Variants in SCN10A observed in about 807,000 individuals in gnomAD.
The protein encoded by SCN10A is sodium voltage-gated channel alpha subunit 10.
In SCN10A, 162 loss-of-function variants were observed where a neutral mutation model predicts 170.7. The ratio of observed to expected loss-of-function variants is 0.95; its 90% CI spans 0.84 to 1.08. The LOEUF is 1.08. Ranked by LOEUF, SCN10A falls within the 50% of genes least tolerant of loss-of-function variation. The pLI is 0.00. For missense variants in SCN10A, 2,527 were observed against 2,436.9 expected, an observed-to-expected ratio of 1.04 and a Z score of -0.78; for synonymous variants, 985 against 904.6, an observed-to-expected ratio of 1.09 and a Z score of -1.59.
intron 15 of SCN10A, among the ~76,000 whole-genome samples, chr3:38,735,618 A>G (rs1356549398): frequency 1.3e-5 from 2 of 152,252 alleles, no homozygotes; most frequent in African/African-American, 4.8e-5. Flanking sequence ...AGGCCAAGAT[A>G]TTCTTGAAGT....
At position 38,793,682 on chromosome 3, in the gene SCN10A, T is replaced by A. The variant is rs139643125; in HGVS notation, c.270+59A>T. Reference sequence around the variant, plus strand: ...GCCAAGGAGGACTTTCTGGGCTGGGTGGGACCGAGACTTCCTCTCCAAGAG... The same window carrying A: ...GCCAAGGAGGACTTTCTGGGCTGGGAGGGACCGAGACTTCCTCTCCAAGAG... On this transcript the variant is annotated intron_variant, in intron 2 of 27. Transcript: ENST00000449082. 15,617 of 1,572,730 alleles carry A rather than the reference T, an allele frequency of 9.9e-3. 110 individuals carry two copies. The highest frequency in any genetic ancestry group is 0.041 in the Middle Eastern group (179 of 4,404).
At chr3:38,793,677 C>T in intron 2 of SCN10A, 64 bp downstream of exon 2, 2 of 1,555,464 alleles carry the variant, frequency 1.3e-6, no homozygotes, top group Non-Finnish European at 1.7e-6. Flanking sequence ...ACTTTCTGGG[C>T]TGGGTGGGAC....
At chr3:38,809,663 T>A (rs1203058049) in intron 1 of SCN10A, among the ~76,000 whole-genome samples, 2 of 152,170 alleles carry the variant, frequency 1.3e-5, no homozygotes, top group African/African-American at 4.8e-5. Flanking sequence ...GCATCTTCTC[T>A]TCTGGATCTT....
chr3:38,764,095 CCTT>C (rs1303665141), intron 5 of SCN10A, among the ~76,000 whole-genome samples: 3 of 152,222 alleles, frequency 2.0e-5, no homozygotes, highest in Non-Finnish European at 4.4e-5. Context: ...AGATGAAGAA[CCTT>C]CTTCAGAGTG....
chr3:38,749,594 A>G (rs2063726841), intron 13 of SCN10A, among the ~76,000 whole-genome samples: 1 of 152,268 alleles, frequency 6.6e-6, no homozygotes, highest in South Asian at 2.1e-4. Context: ...TAATGGACTT[A>G]AATTGTCTAC....
At chr3:38,768,201 T>C (rs74848784) in intron 5 of SCN10A, among the ~76,000 whole-genome samples, 2,841 of 152,118 alleles carry the variant, frequency 0.019, 36 homozygotes, top group Non-Finnish European at 0.029. Context: ...CTTTCTGCCC[T>C]TCTGTATATT....
intron 20 of SCN10A, among the ~76,000 whole-genome samples, chr3:38,720,891 A>G (rs142954440): frequency 1.8e-4 from 27 of 152,324 alleles, no homozygotes; most frequent in Middle Eastern, 3.4e-3. Flanking sequence ...TGGAGAAAGC[A>G]CTGCCCAGCC....
chr3:38,706,780 G>C (rs758433908), intron 26 of SCN10A, among the ~76,000 whole-genome samples: 1 of 152,132 alleles, frequency 6.6e-6, no homozygotes, highest in Non-Finnish European at 1.5e-5. Flanking sequence ...GATAACTTTT[G>C]GTTCCTACTG....
At chr3:38,701,625 G>A (rs1003466801) in intron 27 of SCN10A, among the ~76,000 whole-genome samples, 1 of 152,248 alleles carries the variant, frequency 6.6e-6, no homozygotes, top group Non-Finnish European at 1.5e-5. Context: ...CTTCGTGTGA[G>A]CATGGAGAAG....
chr3:38,702,053 G>C lies in SCN10A; in HGVS notation c.4443C>G (p.Thr1481=). The C allele has an allele frequency of 6.3e-7, 1 of 1,599,078 alleles. No individual in the cohort carries two copies. Among genetic ancestry groups the C allele is most frequent in the Non-Finnish European group, 8.5e-7 (1 of 1,172,818 alleles). Reference sequence around the variant, plus strand: ...TGTTGAGGCAGATGAGGACCATGATGGTGATGTCAAAAGCTTGTCTGGTCA... The same window carrying C: ...TGTTGAGGCAGATGAGGACCATGATCGTGATGTCAAAAGCTTGTCTGGTCA... ...DIVTRQAFDI[T]IMVLICLNMI... is the part of the protein sequence containing the mutation. The change falls in exon 27 of 28, where the codon ACC becomes ACG. Residue 1481 remains threonine (T), a synonymous_variant. Coordinates refer to ENST00000449082, the MANE Select transcript of SCN10A (RefSeq NM_006514.4).
intron 24 of SCN10A, among the ~76,000 whole-genome samples, chr3:38,709,898 C>A (rs2063253880): frequency 6.6e-6 from 1 of 152,200 alleles, no homozygotes; most frequent in Non-Finnish European, 1.5e-5. Flanking sequence ...CACCAAGGGA[C>A]AGGGAAACTG....
At chr3:38,755,019 T>C (rs1371416607) in intron 11 of SCN10A, among the ~76,000 whole-genome samples, 5 of 151,674 alleles carry the variant, frequency 3.3e-5, no homozygotes, top group Non-Finnish European at 5.9e-5. Context: ...GCGAGGAAAG[T>C]TGCAGTGCAA....
At position 38,742,420 on chromosome 3, in the gene SCN10A, A is replaced by C. The variant is rs1346592471; in HGVS notation, c.1977T>G (p.Phe659Leu). 14 of 1,614,176 alleles carry C rather than the reference A, an allele frequency of 8.7e-6. No homozygotes were observed. Among genetic ancestry groups the C allele is most frequent in the Non-Finnish European group, 1.2e-5 (14 of 1,180,028 alleles). ...CTGCAAAGGGATCCGTCACAAGCCC[A>C]AAGAGAATTGTCTTGAGCTTCACCC... is the stretch of plus-strand genomic sequence containing the variant. ...PMWVKLKTILFGLVTDPFAEL... is the reference protein window; with the variant it reads ...PMWVKLKTILLGLVTDPFAEL... The change falls in exon 14 of 28, where the codon TTT (phenylalanine) becomes TTG (leucine). Residue 659 changes from phenylalanine to leucine, a missense_variant. Transcript: ENST00000449082.
At chr3:38,759,527 C>CTAGTA (rs2063845156) in intron 8 of SCN10A, among the ~76,000 whole-genome samples, 1 of 152,138 alleles carries the variant, frequency 6.6e-6, no homozygotes, top group Admixed American at 6.5e-5. Context: ...CCTATGAAGC[C>CTAGTA]TCTAGTAAAG....
intron 17 of SCN10A, among the ~76,000 whole-genome samples, chr3:38,725,739 ACCTGGAGCTC>A (rs1468008638): frequency 2.0e-5 from 3 of 152,254 alleles, no homozygotes; most frequent in African/African-American, 7.2e-5. Flanking sequence ...GAACTTGGCC[ACCTGGAGCTC>A]CCTAAGAGCC....
At position 38,805,898 on chromosome 3, in the gene SCN10A, CTGT is replaced by C. The variant is rs61504297; in HGVS notation, c.-33+10136_-33+10138del. Among the ~76,000 whole-genome samples, 1,001 of 152,266 alleles carry C rather than the reference CTGT, an allele frequency of 6.6e-3. 14 individuals carry two copies. Among genetic ancestry groups the C allele is most frequent in the African/African-American group, 0.023 (937 of 41,550 alleles). On this transcript the variant is annotated intron_variant, in intron 1 of 27. Transcript: ENST00000449082. ...ATCTCAGAGATAATAGCTAGGTAAT[CTGT>C]TGTTGGAGCAGGACCAAAGTAATTT... is the stretch of plus-strand genomic sequence containing the variant.
rs958426415 is a variant in SCN10A at position 38,712,267 on chromosome 3, T to C, written c.3983A>G (p.Asn1328Ser). ...FSLVPLSIVN[N>S]KSDCKIQNST... ...GTTTTGAATCTTGCAGTCAGACTTG[T>C]TATTCACAATCGACAAAGGTACAAG... is the stretch of plus-strand genomic sequence containing the variant. Residue 1328 changes from asparagine to serine, a missense_variant, in exon 23 of 28, where the codon AAC becomes AGC. Physicochemically the swap from Asn to Ser is conservative, Grantham distance 46. Transcript: ENST00000449082. The C allele has an allele frequency of 5.0e-6, 8 of 1,614,210 alleles. No homozygotes were observed. The Middle Eastern group carries it at 9.9e-4, about 200-fold the overall frequency.
intron 15 of SCN10A, among the ~76,000 whole-genome samples, chr3:38,737,171 C>T (rs894201194): frequency 2.0e-5 from 3 of 150,868 alleles, no homozygotes; most frequent in Non-Finnish European, 3.0e-5. Context: ...GGGGTTTCAC[C>T]GTGTTAGCCA....
chr3:38,788,905 A>C, intron 4 of SCN10A, 51 bp downstream of exon 4: 1 of 1,121,222 alleles, frequency 8.9e-7, no homozygotes, highest in South Asian at 1.2e-5. Context: ...AAGTGAAGGA[A>C]GAAAAGAAAG....
Sources: allele counts gnomAD v4.1 joint callset (sites outside exome capture counted in the v4.1 genomes callset), GRCh38; gene constraint gnomAD v4.1.1; transcripts MANE v1.5; gene names NCBI Gene and HGNC (gene_info 2026-07-23, HGNC 2026-07-21).